Variants in HDAC2 observed in about 807,000 individuals in gnomAD.
HDAC2 encodes YY1-associated factor 1.
HDAC2 carries 5 observed loss-of-function variants against 68.5 expected under a neutral mutation model. That is an observed-to-expected ratio of 0.07 (90% CI 0.04 to 0.15). HDAC2 has a LOEUF of 0.15. HDAC2 is among the 10% of genes least tolerant of loss of function. The pLI is 1.00. For synonymous variants in HDAC2, 182 were observed against 191.3 expected, an observed-to-expected ratio of 0.95 and a Z score of 0.40; for missense variants, 291 against 600.8, an observed-to-expected ratio of 0.48 and a Z score of 5.39.
intron 3 of HDAC2, among the ~76,000 whole-genome samples, chr6:113,958,122 C>T (rs753947091): frequency 6.6e-6 from 1 of 152,144 alleles, no homozygotes; most frequent in African/African-American, 2.4e-5. Flanking sequence ...TTTAGGTTGA[C>T]TTTTGCATTC....
chr6:113,958,483 T>C, intron 3 of HDAC2, 166 bp downstream of exon 3: 2 of 501,404 alleles, frequency 4.0e-6, no homozygotes, highest in South Asian at 2.8e-5. Context: ...TAGGTTTACT[T>C]TTTTCTTAAG....
chr6:113,943,441 C>T lies in HDAC2; in HGVS notation c.1288G>A (p.Gly430Arg), dbSNP rs1006151970. Reference sequence around the variant, plus strand: ...TGATCAGCCACATTTCTTCGACCTCCTTCTCCTTCATCCTCAGAATCTGAG... The same window carrying T: ...TGATCAGCCACATTTCTTCGACCTCTTTCTCCTTCATCCTCAGAATCTGAG... ...EFSDSEDEGEGGRRNVADHKK... is the reference protein window; with the variant it reads ...EFSDSEDEGERGRRNVADHKK... The change falls in exon 12 of 14, where the codon GGA (glycine) becomes AGA (arginine). Residue 430 changes from glycine to arginine, a missense_variant. Gly to Arg is a moderately radical substitution (Grantham distance 125). This residue lies in a region of HDAC2 where 137 missense variants were observed against 128.7 expected (regional missense o/e 1.06). Transcript: ENST00000519065. The T allele has an allele frequency of 3.7e-6, 6 of 1,610,346 alleles. No homozygotes were observed. The highest frequency in any genetic ancestry group is 5.1e-6 in the Non-Finnish European group (6 of 1,179,084).
intron 4 of HDAC2, 57 bp downstream of exon 4, chr6:113,956,562 G>A (rs1307153755): frequency 2.1e-5 from 25 of 1,199,274 alleles, no homozygotes; most frequent in South Asian, 1.2e-4. Context: ...CAAATAACCC[G>A]AAAGATAACA....
chr6:113,964,192 T>C (rs958229906), intron 1 of HDAC2, among the ~76,000 whole-genome samples: 2 of 152,094 alleles, frequency 1.3e-5, no homozygotes, highest in Non-Finnish European at 2.9e-5. Flanking sequence ...TTTCAGGTCA[T>C]TTTGGATTTC....
intron 8 of HDAC2, 81 bp downstream of exon 8, chr6:113,948,898 A>T (rs1776331030): frequency 6.6e-7 from 1 of 1,515,104 alleles, no homozygotes; most frequent in Non-Finnish European, 8.9e-7. Context: ...GCAAGAAACT[A>T]CAATGAGAAC....
At position 113,953,722 on chromosome 6, in the gene HDAC2, C is replaced by T. The variant is rs560280172; in HGVS notation, c.498-304G>A. 2.6e-5 allele frequency among the ~76,000 whole-genome samples: 4 copies of T among 152,318 alleles called. No homozygotes were observed. In the South Asian group the frequency reaches 8.3e-4, roughly 32 times the overall value. On this transcript the variant is annotated intron_variant, in intron 5 of 13. Coordinates refer to ENST00000519065, the MANE Select transcript of HDAC2 (RefSeq NM_001527.4). ...ATTAAAAACTGAAGATTATACCATA[C>T]TCAAGATTGTTAATTAAAACACCTC...
intron 2 of HDAC2, 113 bp from the exon 3 acceptor site, chr6:113,958,879 G>A (rs1562147294): frequency 9.7e-6 from 7 of 718,664 alleles, no homozygotes; most frequent in Non-Finnish European, 1.7e-5. Flanking sequence ...AAGTCTACCA[G>A]AACAAAATAT....
chr6:113,969,654 G>T (rs1198718200), intron 1 of HDAC2: 1 of 152,144 alleles, frequency 6.6e-6, no homozygotes, highest in Non-Finnish European at 1.5e-5. Context: ...TGTATAACAG[G>T]TTACTACTCC....
At chr6:113,970,764 C>T (rs866372294) in intron 1 of HDAC2, 93 bp downstream of exon 1, 2 of 1,430,944 alleles carry the variant, frequency 1.4e-6, no homozygotes, top group African/African-American at 1.5e-5. Context: ...TCCTCCTTCC[C>T]ACCCCTCAGC....
At chr6:113,942,108 G>T (rs905739970) in intron 12 of HDAC2, among the ~76,000 whole-genome samples, 1 of 151,886 alleles carries the variant, frequency 6.6e-6, no homozygotes, top group Admixed American at 6.6e-5. Flanking sequence ...TCACCAAATA[G>T]AGAGTTTATT....
intron 5 of HDAC2, among the ~76,000 whole-genome samples, chr6:113,955,495 G>A (rs1409760148): frequency 6.6e-6 from 1 of 152,164 alleles, no homozygotes; most frequent in East Asian, 1.9e-4. Context: ...ACAGGCATGA[G>A]CCACGGCACT....
intron 1 of HDAC2, among the ~76,000 whole-genome samples, chr6:113,967,076 A>G (rs906188509): frequency 9.9e-5 from 15 of 152,224 alleles, no homozygotes; most frequent in Non-Finnish European, 1.6e-4. Flanking sequence ...AAATCTGACA[A>G]TCGTTGGCTG....
chr6:113,963,563 C>T (rs1267388175), intron 1 of HDAC2, among the ~76,000 whole-genome samples: 1 of 152,180 alleles, frequency 6.6e-6, no homozygotes, highest in Non-Finnish European at 1.5e-5. Context: ...AAAATCTGAA[C>T]TGTTTTGAGC....
At chr6:113,961,070 A>G (rs1207321566) in intron 1 of HDAC2, among the ~76,000 whole-genome samples, 1 of 152,118 alleles carries the variant, frequency 6.6e-6, no homozygotes, top group African/African-American at 2.4e-5. Flanking sequence ...TTAAACACCC[A>G]TGAATTTTGC....
intron 6 of HDAC2, among the ~76,000 whole-genome samples, chr6:113,949,938 T>C (rs1455791466): frequency 1.3e-5 from 2 of 152,118 alleles, no homozygotes; most frequent in Admixed American, 1.3e-4. Context: ...TGTGCCACCA[T>C]GCCAGGCTAA....
chr6:113,968,009 T>C (rs751717417), intron 1 of HDAC2, among the ~76,000 whole-genome samples: 1 of 152,230 alleles, frequency 6.6e-6, no homozygotes, highest in Non-Finnish European at 1.5e-5. Context: ...TTCAGTGACC[T>C]AAAGGGTTAC....
intron 9 of HDAC2, 92 bp from the exon 10 acceptor site, chr6:113,945,562 T>G: frequency 1.4e-6 from 1 of 736,808 alleles, no homozygotes; most frequent in Non-Finnish European, 2.4e-6. Flanking sequence ...GTGAAATATT[T>G]CCTAAGAAAA....
chr6:113,960,638 C>T (rs186074983), intron 1 of HDAC2, among the ~76,000 whole-genome samples: 12 of 152,090 alleles, frequency 7.9e-5, no homozygotes, highest in Admixed American at 3.9e-4. Context: ...TCTTTTTAAA[C>T]GGCATCTTAT....
At chr6:113,953,219 G>C in intron 6 of HDAC2, 58 bp downstream of exon 6, 1 of 1,253,596 alleles carries the variant, frequency 8.0e-7, no homozygotes, top group Non-Finnish European at 1.1e-6. Context: ...TCAAGTATAG[G>C]ATTACTGATC....
Sources: allele counts gnomAD v4.1 joint callset (sites outside exome capture counted in the v4.1 genomes callset), GRCh38; gene constraint gnomAD v4.1.1; regional missense constraint gnomAD v4.1.1; transcripts MANE v1.5; gene names NCBI Gene and HGNC (gene_info 2026-07-23, HGNC 2026-07-21).